Variants in ASXL3 observed in about 807,000 individuals in gnomAD.
ASXL3 encodes putative Polycomb group protein ASXL3.
A neutral mutation model predicts 170.6 loss-of-function variants in ASXL3; 34 were observed. The observed-to-expected ratio is 0.20, with a 90% CI of 0.15 to 0.27. The LOEUF is 0.27. Ranked by LOEUF, ASXL3 falls within the 10% of genes least tolerant of loss-of-function variation. The pLI is 1.00. For synonymous variants in ASXL3, 1,002 were observed against 989.1 expected (o/e 1.01, Z -0.24); for missense variants, 2,592 against 2,695.3 (o/e 0.96, Z 0.85).
chr18:33,663,352 A>G (rs1484123986), intron 5 of ASXL3, among the ~76,000 whole-genome samples: 1 of 152,100 alleles, frequency 6.6e-6, no homozygotes, highest in Non-Finnish European at 1.5e-5. Context: ...ACACCATGAA[A>G]TCTTCCTGTA....
rs201315205 is a variant in ASXL3 at position 33,739,628 on chromosome 18, T to G, written c.2224T>G (p.Phe742Val). ...CATGCTTCTCACCTCTGAGACCACT[T>G]TTGTATCCAGTTTGCCACTTCCTTC... Reference protein sequence around the residue: ...SSMLLTSETTFVSSLPLPSET... With the variant: ...SSMLLTSETTVVSSLPLPSET... The change falls in exon 11 of 12, where the codon TTT becomes GTT. Residue 742 changes from phenylalanine (F) to valine (V), a missense_variant. Physicochemically the swap from Phe to Val is conservative, Grantham distance 50. This residue lies in a region of ASXL3 where 2,246 missense variants were observed against 2,219.6 expected (regional missense o/e 1.01). Transcript: ENST00000269197. 422 of 1,613,916 alleles carry G rather than the reference T, an allele frequency of 2.6e-4. 5 individuals carry two copies. The South Asian group carries it at 4.4e-3, about 17-fold the overall frequency.
chr18:33,730,337 A>G (rs2067422495), intron 8 of ASXL3, among the ~76,000 whole-genome samples: 1 of 152,132 alleles, frequency 6.6e-6, no homozygotes, highest in Admixed American at 6.6e-5. Context: ...TGGACTTCTA[A>G]TCCCACAGAG....
chr18:33,706,636 G>A (rs572087360), intron 8 of ASXL3, among the ~76,000 whole-genome samples: 20 of 151,766 alleles, frequency 1.3e-4, no homozygotes, highest in African/African-American at 4.8e-4. Context: ...ATCCCCATTT[G>A]TATATTACCA....
At chr18:33,650,345 T>TGA (rs2065977763) in intron 4 of ASXL3, among the ~76,000 whole-genome samples, 1 of 151,770 alleles carries the variant, frequency 6.6e-6, no homozygotes, top group African/African-American at 2.4e-5. Flanking sequence ...GAGGGAACAG[T>TGA]GAGGGGAATA....
chr18:33,655,767 G>A (rs908263388), intron 4 of ASXL3, among the ~76,000 whole-genome samples: 1 of 152,012 alleles, frequency 6.6e-6, no homozygotes, highest in Non-Finnish European at 1.5e-5. Flanking sequence ...AATTTCAAAT[G>A]TAAATACTAT....
intron 8 of ASXL3, among the ~76,000 whole-genome samples, chr18:33,709,158 G>A (rs538859832): frequency 1.2e-4 from 19 of 152,234 alleles, no homozygotes; most frequent in South Asian, 8.3e-4. Context: ...ACAAATGTTG[G>A]TGAAGAAGTG....
chr18:33,738,454 T>C, intron 10 of ASXL3, 33 bp from the exon 11 acceptor site: 1 of 1,550,798 alleles, frequency 6.4e-7, no homozygotes, highest in Non-Finnish European at 8.7e-7. Context: ...TGTTTTGTGG[T>C]TGAGCAATAA....
chr18:33,607,363 C>T (rs187542218), intron 1 of ASXL3, among the ~76,000 whole-genome samples: 55 of 151,822 alleles, frequency 3.6e-4, no homozygotes, highest in Non-Finnish European at 6.8e-4. Flanking sequence ...TTGGTATGTA[C>T]GCCTTTGTGA....
rs1330938590 is a variant in ASXL3 at position 33,683,415 on chromosome 18, A to T, written c.726A>T (p.Lys242Asn). Residue 242 changes from lysine to asparagine, a missense_variant, in exon 8 of 12, where the codon AAA becomes AAT. Coordinates refer to ENST00000269197, the MANE Select transcript of ASXL3 (RefSeq NM_030632.3). ...GCTTGTTCATCACAGGGCACTTGAA[A>T]TGGACCAAAGCTGAGGACATTGACA... ...RLKKSGLGHL[K>N]WTKAEDIDIE... is the part of the protein sequence containing the mutation. 1.2e-6 allele frequency: 2 copies of T among 1,611,740 alleles called. No homozygotes were observed. The highest frequency in any genetic ancestry group is 1.7e-6 in the Non-Finnish European group (2 of 1,178,932).
chr18:33,729,191 G>T (rs757284993), intron 8 of ASXL3, among the ~76,000 whole-genome samples: 4 of 152,290 alleles, frequency 2.6e-5, no homozygotes, highest in Admixed American at 6.5e-5. Context: ...GGTGAGACAG[G>T]GAAGAGAGAA....
At chr18:33,671,941 C>A in intron 7 of ASXL3, 75 bp downstream of exon 7, 1 of 1,355,222 alleles carries the variant, frequency 7.4e-7, no homozygotes, top group Non-Finnish European at 9.8e-7. Context: ...CTAAAATTTT[C>A]AGAACATTTT....
chr18:33,589,494 C>A (rs1438991647), intron 1 of ASXL3, among the ~76,000 whole-genome samples: 1 of 152,008 alleles, frequency 6.6e-6, no homozygotes, highest in Admixed American at 6.6e-5. Context: ...ACGGCATTAC[C>A]TTGAAGGGGT....
At chr18:33,734,052 C>A (rs2067501324) in intron 9 of ASXL3, among the ~76,000 whole-genome samples, 1 of 140,888 alleles carries the variant, frequency 7.1e-6, no homozygotes, top group Non-Finnish European at 1.6e-5. Context: ...AATGCTTTAG[C>A]ATTCTTCTAA....
chr18:33,750,542 T>C lies in ASXL3; in HGVS notation c.*3947T>C, dbSNP rs1212489174. On this transcript the variant is annotated 3_prime_UTR_variant, in exon 12 of 12. Transcript: ENST00000269197. Reference sequence around the variant, plus strand: ...TGATACATATTTTCAGTAGTTTTTTTTTTTTAATGTGTGTTCGTTTGTACA... The same window carrying C: ...TGATACATATTTTCAGTAGTTTTTTCTTTTTAATGTGTGTTCGTTTGTACA... The C allele has an allele frequency of 6.8e-6, 1 of 146,662 alleles. No individual in the cohort carries two copies. The highest frequency in any genetic ancestry group is 2.6e-5 in the African/African-American group (1 of 39,152). The allele number at this position is 146,662 out of a possible 1,614,324, so 9.1% of individuals were successfully genotyped here.
intron 9 of ASXL3, among the ~76,000 whole-genome samples, chr18:33,733,326 CCTT>C (rs1302840835): frequency 1.3e-5 from 2 of 152,278 alleles, no homozygotes; most frequent in South Asian, 2.1e-4. Flanking sequence ...CCTCTCAACT[CCTT>C]CTTCTGTTTC....
intron 1 of ASXL3, among the ~76,000 whole-genome samples, chr18:33,603,231 T>C (rs2065203631): frequency 6.6e-6 from 1 of 152,056 alleles, no homozygotes; most frequent in Non-Finnish European, 1.5e-5. Context: ...ATGAGTTTTC[T>C]CTTTGAGAGA....
chr18:33,633,072 C>T (rs1258006318), intron 2 of ASXL3, among the ~76,000 whole-genome samples: 4 of 152,292 alleles, frequency 2.6e-5, no homozygotes, highest in South Asian at 2.1e-4. Flanking sequence ...TTGTGCTGCT[C>T]CTCCCACGTG....
At chr18:33,705,398 T>G (rs2066940254) in intron 8 of ASXL3, among the ~76,000 whole-genome samples, 1 of 151,542 alleles carries the variant, frequency 6.6e-6, no homozygotes, top group African/African-American at 2.4e-5. Context: ...AATATTTTCC[T>G]TATATCAAAC....
chr18:33,613,347 T>C (rs539939074), intron 2 of ASXL3, among the ~76,000 whole-genome samples: 26 of 152,222 alleles, frequency 1.7e-4, no homozygotes, highest in Non-Finnish European at 2.8e-4. Context: ...GGTTATCTTA[T>C]CCCAAGTCTT....
Sources: gnomAD v4.1 joint callset for allele counts (sites outside exome capture counted in the v4.1 genomes callset) on GRCh38, gnomAD v4.1.1 for gene constraint, gnomAD v4.1.1 regional missense constraint, MANE v1.5 for transcripts, NCBI Gene and HGNC (gene_info 2026-07-23, HGNC 2026-07-21) for gene names.